The following DOK6 variants were observed in gnomAD, a reference collection of about 807,000 sequenced individuals.
The protein encoded by DOK6 is docking protein 6.
In DOK6, 22 loss-of-function variants were observed where a neutral mutation model predicts 44.0. That is an observed-to-expected ratio of 0.50 (90% CI 0.36 to 0.71). The LOEUF (loss-of-function observed/expected upper bound fraction) is 0.71. Ranked by LOEUF, DOK6 falls within the 30% of genes least tolerant of loss-of-function variation. The probability of loss-of-function intolerance (pLI) is 0.00; values close to 1 mark genes in which losing one functional copy is unlikely to be tolerated. For missense variants in DOK6, 340 were observed against 416.4 expected (o/e 0.82, Z 1.60); for synonymous variants, 166 against 145.5 (o/e 1.14, Z -1.01).
rs533470985 is a variant in DOK6 at position 69,624,837 on chromosome 18, C to G, written c.289+25339C>G. On this transcript the variant is annotated intron_variant, in intron 3 of 7. Transcript: ENST00000382713. The stretch of plus-strand genomic sequence containing the variant: ...GGATAGTGTTTTGTATATTCTTTTA[C>G]TTTACGCTGCAGGAGTTACACCTAA... Among the ~76,000 whole-genome samples the G allele has an allele frequency of 3.3e-5, 5 of 152,120 alleles. No individual in the cohort carries two copies. The South Asian group carries it at 1.0e-3, about 32-fold the overall frequency.
chr18:69,602,528 G>A (rs1029646640), intron 3 of DOK6, among the ~76,000 whole-genome samples: 8 of 152,158 alleles, frequency 5.3e-5, no homozygotes, highest in African/African-American at 1.9e-4. Context: ...AACCAAAAGA[G>A]GACAATAAGT....
At chr18:69,641,896 CCT>C (rs1216951499) in intron 3 of DOK6, among the ~76,000 whole-genome samples, 1 of 152,158 alleles carries the variant, frequency 6.6e-6, no homozygotes, top group Non-Finnish European at 1.5e-5. Flanking sequence ...GTTCTTTCCC[CCT>C]CTCTCTCCAG....
chr18:69,629,661 A>G (rs1984644025), intron 3 of DOK6, among the ~76,000 whole-genome samples: 1 of 152,204 alleles, frequency 6.6e-6, no homozygotes, highest in South Asian at 2.1e-4. Flanking sequence ...TTATCTTAAC[A>G]GGCTGATCAT....
intron 1 of DOK6, among the ~76,000 whole-genome samples, chr18:69,522,222 A>C (rs555659644): frequency 1.3e-4 from 20 of 151,836 alleles, no homozygotes; most frequent in Non-Finnish European, 2.4e-4. Flanking sequence ...ACACACACAC[A>C]CCCACACACA....
intron 1 of DOK6, among the ~76,000 whole-genome samples, chr18:69,459,195 GT>G (rs1979721050): frequency 3.7e-5 from 2 of 54,574 alleles, no homozygotes; most frequent in African/African-American, 8.5e-5. Flanking sequence ...TTTTGTGTGT[GT>G]GTGTGTGTGT....
chr18:69,825,427 CTTTTTTT>C (rs34656265), intron 7 of DOK6, among the ~76,000 whole-genome samples: 5 of 82,956 alleles, frequency 6.0e-5, no homozygotes, highest in African/African-American at 9.9e-5. Flanking sequence ...ATCATAACTT[CTTTTTTT>C]TTTTTTTTTT....
chr18:69,559,635 A>G (rs1982778184), intron 1 of DOK6, among the ~76,000 whole-genome samples: 1 of 152,156 alleles, frequency 6.6e-6, no homozygotes. Context: ...CTAGTTTTAA[A>G]AAAATATATC....
At chr18:69,514,582 G>C (rs1243847786) in intron 1 of DOK6, among the ~76,000 whole-genome samples, 3 of 152,056 alleles carry the variant, frequency 2.0e-5, no homozygotes, top group African/African-American at 7.2e-5. Context: ...AGACAGTTCT[G>C]TTAACTATAA....
intron 3 of DOK6, among the ~76,000 whole-genome samples, chr18:69,640,471 G>A (rs1357322685): frequency 1.3e-5 from 2 of 151,916 alleles, no homozygotes; most frequent in African/African-American, 4.8e-5. Context: ...AGGAATCTGT[G>A]TTTCCAAATC....
chr18:69,667,717 C>T (rs893482547), intron 3 of DOK6, among the ~76,000 whole-genome samples: 2 of 152,166 alleles, frequency 1.3e-5, no homozygotes, highest in African/African-American at 2.4e-5. Context: ...TCTGTTATGT[C>T]TTAGTTGCCT....
At chr18:69,510,018 C>A (rs1394822269) in intron 1 of DOK6, among the ~76,000 whole-genome samples, 1 of 152,186 alleles carries the variant, frequency 6.6e-6, no homozygotes, top group African/African-American at 2.4e-5. Flanking sequence ...TTGCCGCATA[C>A]AAGACTAATG....
intron 1 of DOK6, among the ~76,000 whole-genome samples, chr18:69,425,986 A>G (rs2122415123): frequency 6.6e-6 from 1 of 152,160 alleles, no homozygotes; most frequent in Admixed American, 6.5e-5. Flanking sequence ...TTTTATTCTA[A>G]TTGTTTTACT....
At chr18:69,444,796 G>C (rs1979236317) in intron 1 of DOK6, among the ~76,000 whole-genome samples, 1 of 151,528 alleles carries the variant, frequency 6.6e-6, no homozygotes. Context: ...AGAAATATGA[G>C]TCCTCCAAGT....
chr18:69,472,386 T>C (rs1461375833), intron 1 of DOK6, among the ~76,000 whole-genome samples: 1 of 152,134 alleles, frequency 6.6e-6, no homozygotes, highest in Non-Finnish European at 1.5e-5. Flanking sequence ...CTGCAGACCT[T>C]AGAAGAAAAG....
chr18:69,624,538 G>A (rs944862557), intron 3 of DOK6, among the ~76,000 whole-genome samples: 3 of 152,048 alleles, frequency 2.0e-5, no homozygotes, highest in Non-Finnish European at 4.4e-5. Flanking sequence ...TATAAAATCT[G>A]TCACTTTAAT....
At chr18:69,562,108 A>C (rs781195082) in intron 1 of DOK6, among the ~76,000 whole-genome samples, 16 of 152,190 alleles carry the variant, frequency 1.1e-4, no homozygotes, top group Non-Finnish European at 1.9e-4. Context: ...TTCTTCAATT[A>C]TTGGAAAGAA....
chr18:69,670,723 T>C (rs1985777536), intron 3 of DOK6, among the ~76,000 whole-genome samples: 1 of 152,080 alleles, frequency 6.6e-6, no homozygotes, highest in Admixed American at 6.5e-5. Context: ...TTGGCTAGGA[T>C]GGTCTCAATC....
intron 7 of DOK6, among the ~76,000 whole-genome samples, chr18:69,831,536 A>G (rs182417281): frequency 9.2e-5 from 14 of 152,334 alleles, no homozygotes; most frequent in African/African-American, 3.1e-4. Context: ...CTGGATCTAC[A>G]TGAAATACAT....
At chr18:69,691,231 A>AT (rs71177000) in intron 4 of DOK6, among the ~76,000 whole-genome samples, 9 of 151,488 alleles carry the variant, frequency 5.9e-5, no homozygotes, top group African/African-American at 1.9e-4. Flanking sequence ...AAATAAATAA[A>AT]AATATAGAAT....
Sources: gnomAD v4.1 joint callset for allele counts (sites outside exome capture counted in the v4.1 genomes callset) on GRCh38, gnomAD v4.1.1 for gene constraint, MANE v1.5 for transcripts, NCBI Gene and HGNC (gene_info 2026-07-23, HGNC 2026-07-21) for gene names.